GRID1: variants seen among roughly 807,000 people sequenced by gnomAD.
GRID1 encodes glutamate receptor ionotropic, delta-1.
Under a neutral mutation model 98.0 loss-of-function variants are expected in GRID1, and 28 were observed. The observed-to-expected ratio is 0.29, with a 90% CI of 0.21 to 0.39. The LOEUF (loss-of-function observed/expected upper bound fraction) is 0.39. Ranked by LOEUF, GRID1 falls within the 10% of genes least tolerant of loss-of-function variation. The pLI is 1.00. For missense variants in GRID1, 1,111 were observed against 1,340.5 expected (o/e 0.83, Z 2.67); for synonymous variants, 553 against 538.5 (o/e 1.03, Z -0.37).
intron 12 of GRID1, among the ~76,000 whole-genome samples, chr10:85,672,167 T>C (rs1214180299): frequency 6.6e-6 from 1 of 151,534 alleles, no homozygotes; most frequent in Non-Finnish European, 1.5e-5. Flanking sequence ...GGCCTTCTAT[T>C]GGAAGAAAAC....
At chr10:85,741,372 A>AT (rs34028215) in intron 8 of GRID1, among the ~76,000 whole-genome samples, 1 of 152,052 alleles carries the variant, frequency 6.6e-6, no homozygotes, top group African/African-American at 2.4e-5. Context: ...ATAAATATAT[A>AT]TTTTTTTAAA....
intron 8 of GRID1, among the ~76,000 whole-genome samples, chr10:85,738,859 A>C (rs1841912304): frequency 6.6e-6 from 1 of 152,188 alleles, no homozygotes; most frequent in African/African-American, 2.4e-5. Context: ...GAAGGGTATC[A>C]AATGCAAAGA....
chr10:86,188,041 C>T (rs181905601), intron 3 of GRID1, among the ~76,000 whole-genome samples: 123 of 152,302 alleles, frequency 8.1e-4, no homozygotes, highest in African/African-American at 2.7e-3. Context: ...CCTGTCCATC[C>T]TCTGCAGCCC....
intron 8 of GRID1, among the ~76,000 whole-genome samples, chr10:85,794,323 G>T (rs1842506469): frequency 6.6e-6 from 1 of 152,210 alleles, no homozygotes; most frequent in Non-Finnish European, 1.5e-5. Flanking sequence ...AACAAGCACA[G>T]CTATTTCCGT....
Position 86,247,960 on chromosome 10 carries a change from TG to T in GRID1, c.236-41313del, listed in dbSNP as rs1846758075. On this transcript the variant is annotated intron_variant, in intron 2 of 15. Coordinates refer to ENST00000327946, the MANE Select transcript of GRID1 (RefSeq NM_017551.3). ...AGATCCACCAAGCAGGCCCAGAATG[TG>T]GTTATGACCACCCTGACAACCAGAT... Among the ~76,000 whole-genome samples the T allele has an allele frequency of 2.0e-5, 3 of 152,160 alleles. No individual in the cohort carries two copies. In the South Asian group the frequency reaches 6.2e-4, roughly 31 times the overall value.
intron 5 of GRID1, among the ~76,000 whole-genome samples, chr10:85,901,668 T>C (rs1841391084): frequency 6.6e-6 from 1 of 152,048 alleles, no homozygotes; most frequent in Non-Finnish European, 1.5e-5. Context: ...AGGAAGGAAA[T>C]AAAACAGTCA....
intron 4 of GRID1, among the ~76,000 whole-genome samples, chr10:86,084,134 C>T (rs547839968): frequency 2.0e-5 from 3 of 152,158 alleles, no homozygotes; most frequent in East Asian, 1.9e-4. Context: ...AAAGCAGTGA[C>T]GGGGTAGTAG....
intron 4 of GRID1, among the ~76,000 whole-genome samples, chr10:86,049,599 C>T (rs1843471674): frequency 6.6e-6 from 1 of 152,166 alleles, no homozygotes; most frequent in Non-Finnish European, 1.5e-5. Flanking sequence ...AAAATCCAGC[C>T]ATTACCCAGC....
chr10:86,102,189 T>A (rs756470690), intron 4 of GRID1, among the ~76,000 whole-genome samples: 4 of 152,168 alleles, frequency 2.6e-5, no homozygotes, highest in Non-Finnish European at 5.9e-5. Flanking sequence ...TCAGCTAGAA[T>A]TTTAACAGGC....
In GRID1 at chr10:85,916,508, TCACAGGCACAGG is replaced by T. The variant is rs555024869; in HGVS notation, c.727-281_727-270del. ...TTGGGTTCCTGCAGGCAGCACAGGG[TCACAGGCACAGG>T]CACAGGCACAGCCCCCCTTCCCTAG... On this transcript the variant is annotated intron_variant, in intron 4 of 15. Transcript: ENST00000327946. This position sits in a 1 kb window ranked among gnomAD's most constrained non-coding sequence, Gnocchi z 4.0. Among the ~76,000 whole-genome samples the T allele has an allele frequency of 6.6e-6, 1 of 152,066 alleles. No homozygotes were observed. The highest frequency in any genetic ancestry group is 1.5e-5 in the Non-Finnish European group (1 of 68,022).
At chr10:86,262,816 A>G (rs1056315436) in intron 2 of GRID1, among the ~76,000 whole-genome samples, 1 of 152,090 alleles carries the variant, frequency 6.6e-6, no homozygotes, top group African/African-American at 2.4e-5. Context: ...TGTCCACACA[A>G]CTAAAGGTTT....
chr10:86,076,598 CAT>C (rs1266336103), intron 4 of GRID1, among the ~76,000 whole-genome samples: 1 of 152,172 alleles, frequency 6.6e-6, no homozygotes, highest in East Asian at 1.9e-4. Flanking sequence ...ACCGGAGACC[CAT>C]AGATGACCTC....
intron 2 of GRID1, among the ~76,000 whole-genome samples, chr10:86,302,089 A>T (rs1450459860): frequency 6.6e-6 from 1 of 152,170 alleles, no homozygotes; most frequent in South Asian, 2.1e-4. Context: ...CTTGGCTCAC[A>T]CAGCTCCATT....
At chr10:85,798,116 C>T (rs558747917) in intron 8 of GRID1, among the ~76,000 whole-genome samples, 1 of 152,102 alleles carries the variant, frequency 6.6e-6, no homozygotes, top group Non-Finnish European at 1.5e-5. Context: ...TTTTCCTTTG[C>T]GTATATACCC....
chr10:85,712,375 CAT>C (rs752656964), intron 12 of GRID1, among the ~76,000 whole-genome samples: 11 of 151,744 alleles, frequency 7.2e-5, no homozygotes, highest in South Asian at 2.1e-4. Context: ...AAAATAGACA[CAT>C]GTGTACATAT....
intron 13 of GRID1, among the ~76,000 whole-genome samples, chr10:85,633,458 T>C (rs914363214): frequency 1.3e-5 from 2 of 152,214 alleles, no homozygotes; most frequent in Non-Finnish European, 2.9e-5. Context: ...CCCATGAAAC[T>C]GTACCCTGAG....
In GRID1 at chr10:85,721,399, T is replaced by C. The variant is rs77769094; in HGVS notation, c.1997+1604A>G. Among the ~76,000 whole-genome samples, 663 of 152,326 alleles carry C rather than the reference T, an allele frequency of 4.4e-3. 4 individuals are homozygous for C. Among genetic ancestry groups the C allele is most frequent in the African/African-American group, 0.015 (633 of 41,586 alleles). On this transcript the variant is annotated intron_variant, in intron 12 of 15. Coordinates refer to ENST00000327946, the MANE Select transcript of GRID1 (RefSeq NM_017551.3). ...TCATGCAAAAACCTGCACGCAAATG[T>C]TCATGGCAGCTTTTTTCATAATTGC...
intron 8 of GRID1, among the ~76,000 whole-genome samples, chr10:85,758,942 C>T (rs987338159): frequency 6.6e-6 from 1 of 152,132 alleles, no homozygotes; most frequent in African/African-American, 2.4e-5. Flanking sequence ...CTGTGTGGTT[C>T]GAATTCTTCA....
At chr10:85,714,810 A>C (rs1235882695) in intron 12 of GRID1, among the ~76,000 whole-genome samples, 1 of 152,070 alleles carries the variant, frequency 6.6e-6, no homozygotes. Flanking sequence ...TTAATATGTT[A>C]ATACCACCCA....
Sources: gnomAD v4.1 joint callset for allele counts (sites outside exome capture counted in the v4.1 genomes callset) on GRCh38, gnomAD v4.1.1 for gene constraint, Gnocchi (gnomAD v3.1) non-coding constraint, MANE v1.5 for transcripts, NCBI Gene and HGNC (gene_info 2026-07-23, HGNC 2026-07-21) for gene names.